The following GPR152 variants were observed in gnomAD, a reference collection of about 807,000 sequenced individuals.
GPR152 encodes the protein G protein-coupled receptor 152, also known as probable G protein-coupled receptor 152.
For synonymous variants in GPR152, 278 were observed against 289.0 expected (o/e 0.96, Z 0.39); for missense variants, 549 against 617.2 (o/e 0.89, Z 1.17).
chr11:67,452,313 AGT>A lies in GPR152; in HGVS notation c.410_411del (p.His137LeufsTer192). 6.2e-7 allele frequency: 1 copy of A among 1,610,548 alleles called. No homozygotes were observed. Among genetic ancestry groups the A allele is most frequent in the East Asian group, 2.2e-5 (1 of 44,868 alleles). Reference sequence around the variant, plus strand: ...CGGACTGGGCGGTGCCCAGGGTACCAGTGTGGGCACAGCGCCAGCAGGCAGCG... The same window carrying A: ...CGGACTGGGCGGTGCCCAGGGTACCAGTGGGCACAGCGCCAGCAGGCAGCG... ...LDRCLLALCP[H>X]WYPGHRPVRL... On this transcript the variant is annotated frameshift_variant, in exon 1 of 1. Transcript: ENST00000312457. LOFTEE classifies it low-confidence loss of function (END_TRUNC).
In GPR152 at chr11:67,452,190, G is replaced by C. The variant is rs906502285; in HGVS notation, c.535C>G (p.Leu179Val). 3.1e-6 allele frequency: 5 copies of C among 1,608,556 alleles called. No homozygotes were observed. In the Admixed American group the frequency reaches 8.3e-5, roughly 27 times the overall value. Reference protein sequence around the residue: ...FPEAAVWWYDLVICLDFWDSE... With the variant: ...FPEAAVWWYDVVICLDFWDSE... ...TCCCAGAAGTCCAGGCAGATGACCA[G>C]GTCGTACCACCAGACGGCAGCCTCG... Residue 179 changes from leucine (L) to valine (V), a missense_variant, in exon 1 of 1, where the codon CTG becomes GTG. Physicochemically the swap from Leu to Val is conservative, Grantham distance 32. Transcript: ENST00000312457.
Position 67,452,315 on chromosome 11 carries a change from T to G in GPR152, c.410A>C (p.His137Pro), listed in dbSNP as rs957375863. 6.2e-7 allele frequency: 1 copy of G among 1,610,372 alleles called. No individual in the cohort carries two copies. Among genetic ancestry groups the G allele is most frequent in the African/African-American group, 1.3e-5 (1 of 74,838 alleles). Residue 137 changes from histidine to proline, a missense_variant, in exon 1 of 1, where the codon CAC becomes CCC. Coordinates refer to ENST00000312457, the MANE Select transcript of GPR152 (RefSeq NM_206997.1). ...LDRCLLALCP[H>P]WYPGHRPVRL... is the part of the protein sequence containing the mutation. Reference sequence around the variant, plus strand: ...GACTGGGCGGTGCCCAGGGTACCAGTGTGGGCACAGCGCCAGCAGGCAGCG... The same window carrying G: ...GACTGGGCGGTGCCCAGGGTACCAGGGTGGGCACAGCGCCAGCAGGCAGCG...
rs1484310776 is a variant in GPR152 at position 67,452,256 on chromosome 11, C to A, written c.469G>T (p.Val157Leu). ...LPLWVCAGVW[V>L]LATLFSVPWL... is the part of the protein sequence containing the mutation. ...GGCACGCTGAAGAGTGTGGCCAGCA[C>A]CCAGACACCGGCGCAGACCCAGAGG... The change falls in exon 1 of 1, where the codon GTG (valine) becomes TTG (leucine). Residue 157 changes from valine (V) to leucine (L), a missense_variant. Transcript: ENST00000312457. 7 of 1,610,254 alleles carry A rather than the reference C, an allele frequency of 4.3e-6. No homozygotes were observed. The highest frequency in any genetic ancestry group is 5.1e-6 in the Non-Finnish European group (6 of 1,179,918).
In GPR152 at chr11:67,452,160, C is replaced by T. The variant is rs774180675; in HGVS notation, c.565G>A (p.Glu189Lys). ...LVICLDFWDS[E>K]ELSLRMLEVL... ...TCCAGCATCCTCAGCGACAGCTCCT[C>T]GCTGTCCCAGAAGTCCAGGCAGATG... Residue 189 changes from glutamate to lysine, a missense_variant, in exon 1 of 1, where the codon GAG becomes AAG. Physicochemically the swap from Glu to Lys is moderately conservative, Grantham distance 56 (BLOSUM62 1). Coordinates refer to ENST00000312457, the MANE Select transcript of GPR152 (RefSeq NM_206997.1). 34 of 1,609,882 alleles carry T rather than the reference C, an allele frequency of 2.1e-5. No homozygotes were observed. The highest frequency in any genetic ancestry group is 1.3e-4 in the East Asian group (6 of 44,878).
Position 67,451,396 on chromosome 11 carries a change from C to T in GPR152, c.1329G>A (p.Glu443=). 2 of 1,613,018 alleles carry T rather than the reference C, an allele frequency of 1.2e-6. No individual in the cohort carries two copies. Among genetic ancestry groups the T allele is most frequent in the Non-Finnish European group, 1.7e-6 (2 of 1,179,350 alleles). ...PSSHPTPGAL[E]DPATPPASEG... Reference sequence around the variant, plus strand: ...CAGAGGCAGGAGGTGTGGCTGGGTCCTCAAGGGCCCCTGGGGTAGGATGCG... The same window carrying T: ...CAGAGGCAGGAGGTGTGGCTGGGTCTTCAAGGGCCCCTGGGGTAGGATGCG... Residue 443 remains glutamate (E), a synonymous_variant, in exon 1 of 1, where the codon GAG becomes GAA. Transcript: ENST00000312457.
Position 67,451,852 on chromosome 11 carries a change from G to T in GPR152, c.873C>A (p.Ser291Arg). 6.2e-7 allele frequency: 1 copy of T among 1,613,078 alleles called. No homozygotes were observed. The highest frequency in any genetic ancestry group is 8.5e-7 in the Non-Finnish European group (1 of 1,179,982). Residue 291 changes from serine (S) to arginine (R), a missense_variant, in exon 1 of 1, where the codon AGC (serine) becomes AGA (arginine). By Grantham distance (110) the Ser-to-Arg change is moderately radical. Transcript: ENST00000312457. Reference protein sequence around the residue: ...DYLILLNSCLSPFLCLMASAD... With the variant: ...DYLILLNSCLRPFLCLMASAD... ...CACTGGCCATGAGGCAGAGGAAGGGGCTGAGGCAGCTGTTGAGTAGGATCA... is the reference window on the plus strand; with the variant it reads ...CACTGGCCATGAGGCAGAGGAAGGGTCTGAGGCAGCTGTTGAGTAGGATCA...
Position 67,452,178 on chromosome 11 carries a change from G to T in GPR152, c.547C>A (p.Leu183Met), listed in dbSNP as rs755001152. The change falls in exon 1 of 1, where the codon CTG becomes ATG. Residue 183 changes from leucine (L) to methionine (M), a missense_variant. Leu to Met is a conservative substitution (Grantham distance 15, BLOSUM62 2). Coordinates refer to ENST00000312457, the MANE Select transcript of GPR152 (RefSeq NM_206997.1). Reference sequence around the variant, plus strand: ...AGCTCCTCGCTGTCCCAGAAGTCCAGGCAGATGACCAGGTCGTACCACCAG... The same window carrying T: ...AGCTCCTCGCTGTCCCAGAAGTCCATGCAGATGACCAGGTCGTACCACCAG... Reference protein sequence around the residue: ...AVWWYDLVICLDFWDSEELSL... With the variant: ...AVWWYDLVICMDFWDSEELSL... 8.7e-6 allele frequency: 14 copies of T among 1,609,254 alleles called. No homozygotes were observed. The highest frequency in any genetic ancestry group is 1.1e-5 in the Non-Finnish European group (13 of 1,179,952).
rs754851637 is a variant in GPR152 at position 67,452,721 on chromosome 11, C to T, written c.4G>A (p.Asp2Asn). M[D>N]TTMEADLGAT... ...CCCAGGTCAGCTTCCATGGTAGTGT[C>T]CATTTGGGGTCCCCAGAGTCCTGCT... The change falls in exon 1 of 1, where the codon GAC becomes AAC. Residue 2 changes from aspartate to asparagine, a missense_variant. Coordinates refer to ENST00000312457, the MANE Select transcript of GPR152 (RefSeq NM_206997.1). The T allele has an allele frequency of 3.2e-6, 5 of 1,555,808 alleles. No homozygotes were observed. The highest frequency in any genetic ancestry group is 1.2e-5 in the South Asian group (1 of 83,276).
In GPR152 at chr11:67,452,562, C is replaced by T. The variant is rs369375444; in HGVS notation, c.163G>A (p.Gly55Ser). ...PANGLMAWLAGSQARHGAGTR... is the reference protein window; with the variant it reads ...PANGLMAWLASSQARHGAGTR... ...CCAGCTCCATGCCGGGCCTGGGAGCCGGCCAGCCACGCCATCAACCCATTG... is the reference window on the plus strand; with the variant it reads ...CCAGCTCCATGCCGGGCCTGGGAGCTGGCCAGCCACGCCATCAACCCATTG... Residue 55 changes from glycine (G) to serine (S), a missense_variant, in exon 1 of 1, where the codon GGC becomes AGC. Coordinates refer to ENST00000312457, the MANE Select transcript of GPR152 (RefSeq NM_206997.1). 40 of 1,607,754 alleles carry T rather than the reference C, an allele frequency of 2.5e-5. No individual in the cohort carries two copies. Among genetic ancestry groups the T allele is most frequent in the Middle Eastern group, 1.7e-4 (1 of 5,980 alleles).
Position 67,451,651 on chromosome 11 carries a change from AGGCTG to A in GPR152, c.1069_1073del (p.Gln357SerfsTer53). The A allele has an allele frequency of 6.2e-7, 1 of 1,613,698 alleles. No individual in the cohort carries two copies. The highest frequency in any genetic ancestry group is 8.5e-7 in the Non-Finnish European group (1 of 1,179,968). On this transcript the variant is annotated frameshift_variant, in exon 1 of 1. Transcript: ENST00000312457. LOFTEE classifies it low-confidence loss of function (END_TRUNC). ...GTGGCTGGAGTGTGGGGTTCACCTG[AGGCTG>A]GGCCACAGGATCCATCTGTGACTGG...
rs768463558 is a variant in GPR152, at chr11:67,451,770, C to T, written c.955G>A (p.Glu319Lys). The T allele has an allele frequency of 8.7e-6, 14 of 1,613,326 alleles. No individual in the cohort carries two copies. The highest frequency in any genetic ancestry group is 5.0e-5 in the Admixed American group (3 of 60,024). ...VLSSFAAALC[E>K]ERPGSFTPTE... is the part of the protein sequence containing the mutation. Reference sequence around the variant, plus strand: ...GGCGTGAAGCTGCCCGGCCGCTCCTCGCAGAGAGCTGCCGCGAAGGACGAG... The same window carrying T: ...GGCGTGAAGCTGCCCGGCCGCTCCTTGCAGAGAGCTGCCGCGAAGGACGAG... Residue 319 changes from glutamate (E) to lysine (K), a missense_variant, in exon 1 of 1, where the codon GAG (glutamate) becomes AAG (lysine). By Grantham distance (56) the Glu-to-Lys change is moderately conservative. Coordinates refer to ENST00000312457, the MANE Select transcript of GPR152 (RefSeq NM_206997.1).
rs762560526 is a variant in GPR152 at position 67,451,963 on chromosome 11, C to CTGG, written c.759_761dup (p.Tyr253_Gln254insHis). 3 of 1,610,630 alleles carry CTGG rather than the reference C, an allele frequency of 1.9e-6. No homozygotes were observed. The South Asian group carries it at 3.3e-5, about 18-fold the overall frequency. On this transcript the variant is annotated inframe_insertion, in exon 1 of 1. Transcript: ENST00000312457. Reference sequence around the variant, plus strand: ...AGGCCAGGTAGAGCAGCTGGGCCAGCTGGTAGGGCAGCCTCAGGACCACAT... The same window carrying CTGG: ...AGGCCAGGTAGAGCAGCTGGGCCAGCTGGTGGTAGGGCAGCCTCAGGACCACAT...
rs1273388369 is a variant in GPR152, at chr11:67,451,327, G to GC, written c.1397dup (p.Ala467ArgfsTer?). The GC allele has an allele frequency of 6.3e-7, 1 of 1,575,226 alleles. No homozygotes were observed. The highest frequency in any genetic ancestry group is 1.8e-5 in the Admixed American group (1 of 56,298). Reference sequence around the variant, plus strand: ...TCCTGGACCCTCACGTGGGGCCTGCGCCCGGGGCCGCCTCTGGCGGGGTGC... The same window carrying GC: ...TCCTGGACCCTCACGTGGGGCCTGCGCCCCGGGGCCGCCTCTGGCGGGGTGC... On this transcript the variant is annotated frameshift_variant, in exon 1 of 1. Coordinates refer to ENST00000312457, the MANE Select transcript of GPR152 (RefSeq NM_206997.1). LOFTEE classifies it high-confidence loss of function.
chr11:67,451,574 G>A lies in GPR152; in HGVS notation c.1151C>T (p.Ser384Leu), dbSNP rs776408067. The change falls in exon 1 of 1, where the codon TCG (serine) becomes TTG (leucine). Residue 384 changes from serine to leucine, a missense_variant. Coordinates refer to ENST00000312457, the MANE Select transcript of GPR152 (RefSeq NM_206997.1). ...PQLNPTAQPQ[S>L]DPTAQPQLNL... is the part of the protein sequence containing the mutation. ...CAGCTGTGGCTGGGCTGTGGGATCC[G>A]ACTGTGGCTGGGCCGTAGGGTTCAG... The A allele has an allele frequency of 9.9e-6, 16 of 1,613,880 alleles. No homozygotes were observed. Among genetic ancestry groups the A allele is most frequent in the East Asian group, 2.2e-5 (1 of 44,902 alleles).
Position 67,451,951 on chromosome 11 carries a change from CA to C in GPR152, c.773del (p.Leu258ArgfsTer26), listed in dbSNP as rs1864575509. The part of the protein sequence containing the change: ...VLRLPYQLAQ[L>X]LYLAFLWDVY... Reference sequence around the variant, plus strand: ...CGTCCCACAGGAAGGCCAGGTAGAGCAGCTGGGCCAGCTGGTAGGGCAGCCT... The same window carrying C: ...CGTCCCACAGGAAGGCCAGGTAGAGCGCTGGGCCAGCTGGTAGGGCAGCCT... On this transcript the variant is annotated frameshift_variant, in exon 1 of 1. Transcript: ENST00000312457. LOFTEE classifies it low-confidence loss of function (END_TRUNC). The C allele has an allele frequency of 1.2e-6, 2 of 1,610,146 alleles. No homozygotes were observed. Among genetic ancestry groups the C allele is most frequent in the Non-Finnish European group, 1.7e-6 (2 of 1,179,984 alleles).
rs1257466181 is a variant in GPR152 at position 67,451,545 on chromosome 11, G to A, written c.1180C>T (p.Leu394Phe). The change falls in exon 1 of 1, where the codon CTC becomes TTC. Residue 394 changes from leucine to phenylalanine, a missense_variant. Coordinates refer to ENST00000312457, the MANE Select transcript of GPR152 (RefSeq NM_206997.1). ...GAATCTGACTGTGGCTGGGCCATGAGGTTCAGCTGTGGCTGGGCTGTGGGA... is the reference window on the plus strand; with the variant it reads ...GAATCTGACTGTGGCTGGGCCATGAAGTTCAGCTGTGGCTGGGCTGTGGGA... ...SDPTAQPQLN[L>F]MAQPQSDSVA... 4.3e-6 allele frequency: 7 copies of A among 1,613,922 alleles called. No individual in the cohort carries two copies. Among genetic ancestry groups the A allele is most frequent in the Non-Finnish European group, 5.9e-6 (7 of 1,179,980 alleles).
Position 67,452,532 on chromosome 11 carries a change from G to T in GPR152, c.193C>A (p.Arg65Ser). The change falls in exon 1 of 1, where the codon CGT becomes AGT. Residue 65 changes from arginine (R) to serine (S), a missense_variant. Arg to Ser is a moderately radical substitution (Grantham distance 110). Transcript: ENST00000312457. ...AGGCTGAGCAGGAGCAGCGCCAGAC[G>T]CGTGCCAGCTCCATGCCGGGCCTGG... is the stretch of plus-strand genomic sequence containing the variant. ...GSQARHGAGT[R>S]LALLLLSLAL... is the part of the protein sequence containing the mutation. The T allele has an allele frequency of 6.2e-7, 1 of 1,606,752 alleles. No homozygotes were observed. Among genetic ancestry groups the T allele is most frequent in the Non-Finnish European group, 8.5e-7 (1 of 1,177,058 alleles).
Position 67,452,019 on chromosome 11 carries a change from C to A in GPR152, c.706G>T (p.Ala236Ser). Residue 236 changes from alanine to serine, a missense_variant, in exon 1 of 1, where the codon GCC becomes TCC. By Grantham distance (99) the Ala-to-Ser change is moderately conservative. Coordinates refer to ENST00000312457, the MANE Select transcript of GPR152 (RefSeq NM_206997.1). ...QQQPAACRGF[A>S]RVARTILSAY... Reference sequence around the variant, plus strand: ...GACAGAATGGTCCTGGCCACACGGGCGAAGCCCCGGCAGGCTGCGGGCTGC... The same window carrying A: ...GACAGAATGGTCCTGGCCACACGGGAGAAGCCCCGGCAGGCTGCGGGCTGC... 6 of 1,611,902 alleles carry A rather than the reference C, an allele frequency of 3.7e-6. No homozygotes were observed. Among genetic ancestry groups the A allele is most frequent in the South Asian group, 1.1e-5 (1 of 91,068 alleles).
chr11:67,452,080 G>A lies in GPR152; in HGVS notation c.645C>T (p.Thr215=). 1.2e-6 allele frequency: 2 copies of A among 1,612,048 alleles called. No individual in the cohort carries two copies. The highest frequency in any genetic ancestry group is 1.7e-6 in the Non-Finnish European group (2 of 1,179,824). ...FLLLLVCHVL[T]QATACRTCHR... ...GGCAGGTGCGACAGGCTGTGGCCTGGGTGAGCACGTGGCAGACGAGCAGCA... is the reference window on the plus strand; with the variant it reads ...GGCAGGTGCGACAGGCTGTGGCCTGAGTGAGCACGTGGCAGACGAGCAGCA... Residue 215 remains threonine, a synonymous_variant, in exon 1 of 1, where the codon ACC becomes ACT. Coordinates refer to ENST00000312457, the MANE Select transcript of GPR152 (RefSeq NM_206997.1).
Sources: gnomAD v4.1 joint callset for allele counts on GRCh38, gnomAD v4.1.1 for gene constraint, MANE v1.5 for transcripts, NCBI Gene and HGNC (gene_info 2026-07-23, HGNC 2026-07-21) for gene names.